Variants in ACOXL observed in about 807,000 individuals in gnomAD.
ACOXL encodes the protein acyl-coenzyme A oxidase-like protein.
In ACOXL, 70 loss-of-function variants were observed where a neutral mutation model predicts 71.9. The observed-to-expected ratio is 0.97, with a 90% CI of 0.80 to 1.19. The LOEUF is 1.19. ACOXL is among the 50% of genes most tolerant of loss of function. The pLI is 0.00. For missense variants in ACOXL, 703 were observed against 736.3 expected, an observed-to-expected ratio of 0.95 and a Z score of 0.52; for synonymous variants, 253 against 281.6, an observed-to-expected ratio of 0.90 and a Z score of 1.02.
At chr2:110,767,402 G>A (rs555647777) in intron 1 of ACOXL, among the ~76,000 whole-genome samples, 1 of 152,294 alleles carries the variant, frequency 6.6e-6, no homozygotes, top group East Asian at 1.9e-4. Flanking sequence ...TGCAAAGAGA[G>A]GGGGAGGAAA....
At chr2:110,776,197 A>T (rs947632384) in intron 2 of ACOXL, among the ~76,000 whole-genome samples, 4 of 152,244 alleles carry the variant, frequency 2.6e-5, no homozygotes, top group African/African-American at 9.6e-5. Flanking sequence ...ACACTGTTAC[A>T]TGAAGTATTT....
At chr2:111,117,372 C>T (rs1269039148) in intron 17 of ACOXL, among the ~76,000 whole-genome samples, 2 of 152,326 alleles carry the variant, frequency 1.3e-5, no homozygotes, top group African/African-American at 4.8e-5. Flanking sequence ...CCCACGTCCA[C>T]GCCCACCCCC....
intron 11 of ACOXL, among the ~76,000 whole-genome samples, chr2:110,915,485 A>G (rs2149267268): frequency 6.8e-6 from 1 of 146,360 alleles, no homozygotes; most frequent in Non-Finnish European, 1.5e-5. Context: ...GTGCAGTGGC[A>G]CAATCTCGGC....
At chr2:111,061,799 A>G (rs894926186) in intron 16 of ACOXL, among the ~76,000 whole-genome samples, 9 of 152,102 alleles carry the variant, frequency 5.9e-5, no homozygotes, top group African/African-American at 2.2e-4. Flanking sequence ...ATATATACAA[A>G]ATGTAATACC....
intron 16 of ACOXL, among the ~76,000 whole-genome samples, chr2:111,062,227 A>G (rs1163900530): frequency 6.6e-6 from 1 of 152,094 alleles, no homozygotes; most frequent in Non-Finnish European, 1.5e-5. Flanking sequence ...TGAGACATAG[A>G]AAGACAGTCT....
At chr2:110,752,820 T>C (rs1573342636) in intron 1 of ACOXL, among the ~76,000 whole-genome samples, 1 of 152,074 alleles carries the variant, frequency 6.6e-6, no homozygotes, top group East Asian at 1.9e-4. Context: ...CAATATATAT[T>C]GTCTCACGCA....
chr2:111,113,651 C>G lies in ACOXL; in HGVS notation c.1543-3965C>G, dbSNP rs374384554. On this transcript the variant is annotated intron_variant, in intron 17 of 17. Coordinates refer to ENST00000439055, the MANE Select transcript of ACOXL (RefSeq NM_001142807.4). ...TTGTTGATTGGGGACTAGGGTTGCA[C>G]GAGACAAGCATGGAATAAAGGTGGC... 1.7e-4 allele frequency among the ~76,000 whole-genome samples: 26 copies of G among 152,186 alleles called. 1 individual carries two copies. Among genetic ancestry groups the G allele is most frequent in the African/African-American group, 6.0e-4 (25 of 41,494 alleles).
chr2:110,746,313 C>G (rs1678194325), intron 1 of ACOXL, among the ~76,000 whole-genome samples: 1 of 152,078 alleles, frequency 6.6e-6, no homozygotes, highest in Non-Finnish European at 1.5e-5. Flanking sequence ...TCACTGAGAC[C>G]CCCAGATCCC....
intron 16 of ACOXL, among the ~76,000 whole-genome samples, chr2:111,089,473 T>C (rs2068405059): frequency 6.6e-6 from 1 of 152,210 alleles, no homozygotes; most frequent in Non-Finnish European, 1.5e-5. Context: ...GATGTAGACC[T>C]ATCAGCTGAC....
intron 14 of ACOXL, among the ~76,000 whole-genome samples, chr2:111,014,540 T>A (rs1414472217): frequency 6.6e-6 from 1 of 152,204 alleles, no homozygotes; most frequent in Non-Finnish European, 1.5e-5. Context: ...TGCCATAATG[T>A]TCATCCTCCT....
Position 110,810,095 on chromosome 2 carries a change from A to G in ACOXL, c.753+4700A>G, listed in dbSNP as rs879216236. ...AGCAGGTGTCAGAGTGTCACATTCTATCTGTCCTAATGGCCACAAACCAGG... is the reference window on the plus strand; with the variant it reads ...AGCAGGTGTCAGAGTGTCACATTCTGTCTGTCCTAATGGCCACAAACCAGG... On this transcript the variant is annotated intron_variant, in intron 9 of 17. Transcript: ENST00000439055. Among the ~76,000 whole-genome samples, 8 of 152,248 alleles carry G rather than the reference A, an allele frequency of 5.3e-5. No individual in the cohort carries two copies. In the South Asian group the frequency reaches 1.0e-3, roughly 20 times the overall value.
intron 16 of ACOXL, among the ~76,000 whole-genome samples, chr2:111,081,743 G>A (rs752829935): frequency 2.0e-5 from 3 of 152,134 alleles, no homozygotes; most frequent in Non-Finnish European, 4.4e-5. Context: ...GAACAAAGCT[G>A]GAGGCATCAC....
At chr2:110,963,321 A>G (rs185189310) in intron 12 of ACOXL, among the ~76,000 whole-genome samples, 3 of 151,208 alleles carry the variant, frequency 2.0e-5, no homozygotes, top group Non-Finnish European at 3.0e-5. Context: ...GAACGAGGTA[A>G]AAAAAAAATC....
At chr2:110,818,834 C>CAAGGGTTTTGACATGATGCCACGCT (rs1573669668) in intron 9 of ACOXL, among the ~76,000 whole-genome samples, 7 of 127,452 alleles carry the variant, frequency 5.5e-5, no homozygotes, top group Non-Finnish European at 7.5e-5. Context: ...GTGCTGATGT[C>CAAGGGTTTTGACATGATGCCACGCT]AGCACCCTGG....
intron 10 of ACOXL, chr2:110,886,891 G>A (rs867457318): frequency 4.5e-6 from 7 of 1,546,148 alleles, no homozygotes; most frequent in Middle Eastern, 1.7e-4. Context: ...CGTTTCTTAC[G>A]CTTGCTCGTG....
At chr2:110,780,772 G>T (rs1165082007) in intron 2 of ACOXL, among the ~76,000 whole-genome samples, 1 of 152,120 alleles carries the variant, frequency 6.6e-6, no homozygotes, top group African/African-American at 2.4e-5. Context: ...CGTGGCTCAT[G>T]CCTGTAATCC....
chr2:110,801,842 C>T (rs532139228), intron 8 of ACOXL, 118 bp downstream of exon 8: 106 of 782,538 alleles, frequency 1.4e-4, no homozygotes, highest in African/African-American at 1.2e-3. Context: ...CCTAACCACC[C>T]GTACAGGTTT....
chr2:111,087,053 A>G (rs77310270), intron 16 of ACOXL, among the ~76,000 whole-genome samples: 2 of 152,182 alleles, frequency 1.3e-5, no homozygotes, highest in Non-Finnish European at 2.9e-5. Flanking sequence ...CCCATTCACA[A>G]TGGACACAAA....
intron 16 of ACOXL, among the ~76,000 whole-genome samples, chr2:111,053,243 C>G (rs921336763): frequency 6.6e-6 from 1 of 152,190 alleles, no homozygotes; most frequent in Non-Finnish European, 1.5e-5. Context: ...CGTCTCTCTC[C>G]TCCAGGCGCT....
Sources: gnomAD v4.1 joint callset for allele counts (sites outside exome capture counted in the v4.1 genomes callset) on GRCh38, gnomAD v4.1.1 for gene constraint, MANE v1.5 for transcripts, NCBI Gene and HGNC (gene_info 2026-07-23, HGNC 2026-07-21) for gene names.